LRMDA: variants seen among roughly 807,000 people sequenced by gnomAD.
LRMDA encodes the protein leucine rich melanocyte differentiation associated.
LRMDA carries 18 observed loss-of-function variants against 29.8 expected under a neutral mutation model. That is an observed-to-expected ratio of 0.60 (90% confidence interval 0.42 to 0.90). The LOEUF (loss-of-function observed/expected upper bound fraction) is 0.90. LRMDA is among the 40% of genes least tolerant of loss of function. LRMDA has a pLI of 0.00. For synonymous variants in LRMDA, 125 were observed against 109.4 expected, an observed-to-expected ratio of 1.14 and a Z score of -0.89; for missense variants, 273 against 273.9, an observed-to-expected ratio of 1.00 and a Z score of 0.02.
chr10:76,012,241 C>T (rs1239236375), intron 2 of LRMDA, among the ~76,000 whole-genome samples: 3 of 152,224 alleles, frequency 2.0e-5, no homozygotes, highest in Non-Finnish European at 2.9e-5. Context: ...GTCTTCCAAC[C>T]AGAGTTTTCA....
chr10:76,273,325 G>T (rs939279812), intron 5 of LRMDA, among the ~76,000 whole-genome samples: 11 of 151,992 alleles, frequency 7.2e-5, no homozygotes, highest in Non-Finnish European at 1.3e-4. Flanking sequence ...AATATTTAGG[G>T]TATTTACACC....
At chr10:76,000,012 A>G (rs1847533802) in intron 2 of LRMDA, among the ~76,000 whole-genome samples, 1 of 152,132 alleles carries the variant, frequency 6.6e-6, no homozygotes, top group Non-Finnish European at 1.5e-5. Flanking sequence ...TTTCTCTTTG[A>G]TTCAATAATT....
intron 2 of LRMDA, among the ~76,000 whole-genome samples, chr10:75,957,631 T>C (rs1424728615): frequency 6.6e-6 from 1 of 152,178 alleles, no homozygotes; most frequent in Non-Finnish European, 1.5e-5. Flanking sequence ...AGGATGAGTA[T>C]TGATAAAAGT....
At chr10:75,864,300 C>CAGGATGTG (rs1844983609) in intron 2 of LRMDA, among the ~76,000 whole-genome samples, 3 of 152,134 alleles carry the variant, frequency 2.0e-5, no homozygotes, top group African/African-American at 7.2e-5. Context: ...CTGAAGGAAG[C>CAGGATGTG]CGGATGTGCT....
chr10:76,445,701 T>C (rs1361412860), intron 6 of LRMDA, among the ~76,000 whole-genome samples: 1 of 152,212 alleles, frequency 6.6e-6, no homozygotes, highest in Non-Finnish European at 1.5e-5. Flanking sequence ...TAATATCTTA[T>C]TCCATTCCTG....
chr10:76,063,919 C>T (rs1296470449), intron 5 of LRMDA, among the ~76,000 whole-genome samples: 4 of 152,242 alleles, frequency 2.6e-5, no homozygotes, highest in African/African-American at 7.2e-5. Flanking sequence ...GGAAGCTGCT[C>T]GCCCCTGGGG....
intron 2 of LRMDA, among the ~76,000 whole-genome samples, chr10:75,871,132 C>A (rs1166717370): frequency 6.6e-6 from 1 of 152,232 alleles, no homozygotes; most frequent in Non-Finnish European, 1.5e-5. Context: ...TGTTCCCCTT[C>A]TTCCCTGCTG....
At chr10:75,628,487 A>T (rs6480790) in intron 2 of LRMDA, among the ~76,000 whole-genome samples, 3 of 152,092 alleles carry the variant, frequency 2.0e-5, no homozygotes, top group Non-Finnish European at 4.4e-5. Context: ...TTTTCCAGCT[A>T]TGAACCTGAT....
chr10:75,879,752 A>G (rs1156689036), intron 2 of LRMDA, among the ~76,000 whole-genome samples: 2 of 152,000 alleles, frequency 1.3e-5, no homozygotes, highest in Non-Finnish European at 2.9e-5. Context: ...CTGCTTGGTG[A>G]TTCTCAGCTC....
intron 2 of LRMDA, among the ~76,000 whole-genome samples, chr10:75,965,117 A>G (rs912273680): frequency 3.3e-5 from 5 of 152,184 alleles, no homozygotes; most frequent in African/African-American, 1.2e-4. Flanking sequence ...AAGTTACTTT[A>G]GCCTCTTTAA....
At chr10:75,749,399 A>G (rs1035330625) in intron 2 of LRMDA, among the ~76,000 whole-genome samples, 1 of 152,068 alleles carries the variant, frequency 6.6e-6, no homozygotes. Context: ...TTGTTTAAGG[A>G]TCAACTGTAT....
At chr10:75,711,267 C>T (rs1446142588) in intron 2 of LRMDA, among the ~76,000 whole-genome samples, 1 of 152,124 alleles carries the variant, frequency 6.6e-6, no homozygotes, top group African/African-American at 2.4e-5. Context: ...AATCCTGATG[C>T]CTTTACTTAG....
chr10:76,525,936 A>AG (rs2132367308), intron 6 of LRMDA, among the ~76,000 whole-genome samples: 1 of 152,290 alleles, frequency 6.6e-6, no homozygotes, highest in African/African-American at 2.4e-5. Context: ...AATCTCATTA[A>AG]GTGACCACAA....
intron 2 of LRMDA, among the ~76,000 whole-genome samples, chr10:75,983,116 G>A (rs116764875): frequency 2.6e-5 from 4 of 152,220 alleles, no homozygotes; most frequent in African/African-American, 9.6e-5. Flanking sequence ...TTGAAGGCAG[G>A]GGGGAGCTCG....
intron 2 of LRMDA, among the ~76,000 whole-genome samples, chr10:75,605,324 A>G (rs902325618): frequency 6.6e-6 from 1 of 152,178 alleles, no homozygotes; most frequent in African/African-American, 2.4e-5. Context: ...TGAATATAGA[A>G]GACAGTCTGT....
chr10:76,332,590 C>T (rs1589140257), intron 6 of LRMDA, among the ~76,000 whole-genome samples: 3 of 152,178 alleles, frequency 2.0e-5, no homozygotes, highest in African/African-American at 7.2e-5. Flanking sequence ...ACAGACAGTC[C>T]CAATAAAAAA....
In LRMDA at chr10:76,471,792, TAG is replaced by T. The variant is rs1245445182; in HGVS notation, c.602-85415_602-85414del. Among the ~76,000 whole-genome samples the T allele has an allele frequency of 6.6e-5, 10 of 151,282 alleles. No individual in the cohort carries two copies. The South Asian group carries it at 1.7e-3, about 25-fold the overall frequency. The stretch of plus-strand genomic sequence containing the variant: ...TGGCTATACGAATAGCAGAAAAAAA[TAG>T]ACTTTAAGACAGAAAAAGTTACTAG... On this transcript the variant is annotated intron_variant, in intron 6 of 6. Coordinates refer to ENST00000611255, the MANE Select transcript of LRMDA (RefSeq NM_001305581.2).
intron 2 of LRMDA, among the ~76,000 whole-genome samples, chr10:75,545,529 A>G (rs138743606): frequency 6.6e-6 from 1 of 152,288 alleles, no homozygotes; most frequent in East Asian, 1.9e-4. Context: ...TGGACATAAT[A>G]GGTGTCTGGC....
chr10:75,724,527 A>C (rs887497639), intron 2 of LRMDA, among the ~76,000 whole-genome samples: 1 of 152,182 alleles, frequency 6.6e-6, no homozygotes, highest in African/African-American at 2.4e-5. Context: ...AGAAATATTG[A>C]TATTTTCTTT....
Sources: gnomAD v4.1 joint callset for allele counts (sites outside exome capture counted in the v4.1 genomes callset) on GRCh38, gnomAD v4.1.1 for gene constraint, MANE v1.5 for transcripts, NCBI Gene and HGNC (gene_info 2026-07-23, HGNC 2026-07-21) for gene names.